The following PLCB1 variants were observed in gnomAD, a reference collection of about 807,000 sequenced individuals.
The protein encoded by PLCB1 is phospholipase C beta 1.
In PLCB1, 46 loss-of-function variants were observed where a neutral mutation model predicts 161.8. The observed-to-expected ratio is 0.28, with a 90% confidence interval of 0.22 to 0.36. The LOEUF (loss-of-function observed/expected upper bound fraction) is 0.36. Ranked by LOEUF, PLCB1 falls within the 10% of genes least tolerant of loss-of-function variation. The probability of loss-of-function intolerance (pLI) is 1.00; values close to 1 mark genes in which losing one functional copy is unlikely to be tolerated. For missense variants in PLCB1, 1,016 were observed against 1,472.5 expected (o/e 0.69, Z 5.07); for synonymous variants, 517 against 503.7 (o/e 1.03, Z -0.35).
At chr20:8,441,608 G>T (rs563390839) in intron 3 of PLCB1, among the ~76,000 whole-genome samples, 1 of 152,262 alleles carries the variant, frequency 6.6e-6, no homozygotes, top group East Asian at 1.9e-4. Flanking sequence ...GAACGCTAGG[G>T]ACTGAATGAA....
At chr20:8,658,071 G>A (rs1989514084) in intron 8 of PLCB1, among the ~76,000 whole-genome samples, 1 of 152,082 alleles carries the variant, frequency 6.6e-6, no homozygotes, top group Non-Finnish European at 1.5e-5. Context: ...AATATGTTGA[G>A]GAATTATACT....
chr20:8,286,884 C>A (rs1001340517), intron 2 of PLCB1, among the ~76,000 whole-genome samples: 15 of 152,150 alleles, frequency 9.9e-5, no homozygotes, highest in Admixed American at 9.8e-4. Context: ...ATGGTTTTGG[C>A]CTGGACAGGG....
intron 26 of PLCB1, among the ~76,000 whole-genome samples, chr20:8,770,650 C>G (rs6056086): frequency 6.6e-6 from 1 of 152,042 alleles, no homozygotes; most frequent in Non-Finnish European, 1.5e-5. Flanking sequence ...CGGGACAACT[C>G]GAAGCAAAGG....
At chr20:8,347,296 C>T (rs1986030638) in intron 2 of PLCB1, among the ~76,000 whole-genome samples, 1 of 152,196 alleles carries the variant, frequency 6.6e-6, no homozygotes, top group East Asian at 1.9e-4. Flanking sequence ...AAAAAATATG[C>T]AGTCCATTGT....
At position 8,336,406 on chromosome 20, in the gene PLCB1, T is replaced by C. The variant is rs6055752; in HGVS notation, c.178-34976T>C. On this transcript the variant is annotated intron_variant, in intron 2 of 31. Coordinates refer to ENST00000338037, the MANE Select transcript of PLCB1 (RefSeq NM_015192.4). ...TCATATAATAAAGACATTCTATGAA[T>C]TGGGAGTATCTAGGATTCTCAGTGG... 6.4e-3 allele frequency among the ~76,000 whole-genome samples: 979 copies of C among 152,300 alleles called. 7 individuals are homozygous for C. The highest frequency in any genetic ancestry group is 0.022 in the African/African-American group (932 of 41,568).
intron 15 of PLCB1, among the ~76,000 whole-genome samples, chr20:8,723,450 T>C (rs1356581379): frequency 6.6e-6 from 1 of 152,172 alleles, no homozygotes; most frequent in African/African-American, 2.4e-5. Context: ...CTTCTAAAAA[T>C]GTGAGACAAT....
intron 2 of PLCB1, among the ~76,000 whole-genome samples, chr20:8,213,190 T>C (rs1428848687): frequency 1.3e-5 from 2 of 152,178 alleles, no homozygotes; most frequent in Non-Finnish European, 2.9e-5. Context: ...AAGAGCATTA[T>C]GTTTCATAGT....
chr20:8,831,417 T>G (rs1349816608), intron 31 of PLCB1: 2 of 152,468 alleles, frequency 1.3e-5, no homozygotes, highest in African/African-American at 4.8e-5. Context: ...AATCTGGATC[T>G]AAGTTTGTCT....
At chr20:8,646,415 A>C (rs1213304037) in intron 5 of PLCB1, among the ~76,000 whole-genome samples, 2 of 152,226 alleles carry the variant, frequency 1.3e-5, no homozygotes, top group African/African-American at 4.8e-5. Context: ...CTAAGTTCGC[A>C]TGAATGTCAG....
In PLCB1 at chr20:8,733,686, G is replaced by A. The variant is rs542684706; in HGVS notation, c.2043+294G>A. The stretch of plus-strand genomic sequence containing the variant: ...GATAGCATTAGGAGATACACCTAAT[G>A]CTAAATGACGAGTTAATGGGTGCAG... On this transcript the variant is annotated intron_variant, in intron 19 of 31. Transcript: ENST00000338037. 1.4e-3 allele frequency among the ~76,000 whole-genome samples: 215 copies of A among 150,922 alleles called. 3 individuals are homozygous for A. The highest frequency in any genetic ancestry group is 5.1e-3 in the African/African-American group (208 of 41,120).
chr20:8,294,934 T>G (rs530645985), intron 2 of PLCB1, among the ~76,000 whole-genome samples: 1 of 152,108 alleles, frequency 6.6e-6, no homozygotes, highest in Non-Finnish European at 1.5e-5. Flanking sequence ...TACACTGTGG[T>G]AAAAAATGAA....
At chr20:8,789,717 G>T in intron 30 of PLCB1, 142 bp downstream of exon 30, 1 of 648,584 alleles carries the variant, frequency 1.5e-6, no homozygotes, top group Admixed American at 2.5e-5. Flanking sequence ...CACAGGGTGG[G>T]CACTCCTTAA....
intron 27 of PLCB1, among the ~76,000 whole-genome samples, chr20:8,787,128 A>AC (rs1362630662): frequency 6.6e-6 from 1 of 152,206 alleles, no homozygotes. Context: ...GTTAGGCTTG[A>AC]AGGCAATTTG....
intron 31 of PLCB1, among the ~76,000 whole-genome samples, chr20:8,848,497 T>C (rs1986771254): frequency 7.5e-6 from 1 of 132,770 alleles, no homozygotes; most frequent in Admixed American, 8.4e-5. Flanking sequence ...GAAAGGGGTT[T>C]ACACAAGGCC....
chr20:8,745,465 A>T (rs986657334), intron 23 of PLCB1, among the ~76,000 whole-genome samples: 1 of 152,166 alleles, frequency 6.6e-6, no homozygotes, highest in Non-Finnish European at 1.5e-5. Flanking sequence ...ATATTACCAG[A>T]TGTTTAATAG....
intron 3 of PLCB1, among the ~76,000 whole-genome samples, chr20:8,406,369 A>G (rs1978787570): frequency 6.6e-6 from 1 of 152,242 alleles, no homozygotes; most frequent in African/African-American, 2.4e-5. Flanking sequence ...ATGGAAGAAC[A>G]TGCAGGTAAT....
At chr20:8,448,674 A>G (rs980919120) in intron 3 of PLCB1, among the ~76,000 whole-genome samples, 3 of 152,200 alleles carry the variant, frequency 2.0e-5, no homozygotes, top group Admixed American at 6.5e-5. Flanking sequence ...GGGATAATTC[A>G]TTTTTGAAAA....
At chr20:8,784,814 G>A (rs893400710) in intron 27 of PLCB1, among the ~76,000 whole-genome samples, 1 of 152,172 alleles carries the variant, frequency 6.6e-6, no homozygotes, top group African/African-American at 2.4e-5. Flanking sequence ...ACAAAATTTA[G>A]CTTGTTAAAC....
chr20:8,832,693 C>T (rs1005062193), intron 31 of PLCB1, among the ~76,000 whole-genome samples: 5 of 152,212 alleles, frequency 3.3e-5, no homozygotes, highest in African/African-American at 1.2e-4. Context: ...GAAAGCCTGG[C>T]CCACAGGTGA....
Sources: gnomAD v4.1 joint callset for allele counts (sites outside exome capture counted in the v4.1 genomes callset) on GRCh38, gnomAD v4.1.1 for gene constraint, MANE v1.5 for transcripts, NCBI Gene and HGNC (gene_info 2026-07-23, HGNC 2026-07-21) for gene names.